GLI3: variants seen among roughly 807,000 people sequenced by gnomAD.
GLI3 encodes GLI family zinc finger 3, also known as transcription activator GLI3.
A neutral mutation model predicts 100.8 loss-of-function variants in GLI3; 20 were observed. The ratio of observed to expected loss-of-function variants is 0.20; its 90% CI spans 0.14 to 0.29. The LOEUF is 0.29. Among genes scored for constraint, GLI3 ranks in the 10% least tolerant of loss-of-function variants. The pLI is 1.00. For synonymous variants in GLI3, 938 were observed against 860.5 expected, an observed-to-expected ratio of 1.09 and a Z score of -1.58; for missense variants, 2,040 against 2,128.5, an observed-to-expected ratio of 0.96 and a Z score of 0.82.
chr7:42,068,300 TG>T (rs1784715640), intron 4 of GLI3, among the ~76,000 whole-genome samples: 1 of 152,266 alleles, frequency 6.6e-6, no homozygotes, highest in Non-Finnish European at 1.5e-5. Context: ...TTTACTGAAC[TG>T]CAACACAATC....
chr7:42,040,011 A>T, intron 7 of GLI3, 27 bp downstream of exon 7: 1 of 1,551,308 alleles, frequency 6.4e-7, no homozygotes, highest in Non-Finnish European at 8.9e-7. Flanking sequence ...TTTAAAAAAC[A>T]CATAATGGAT....
intron 14 of GLI3, 58 bp downstream of exon 14, chr7:41,967,538 A>G: frequency 8.2e-7 from 1 of 1,217,606 alleles, no homozygotes; most frequent in Middle Eastern, 2.7e-4. Flanking sequence ...GAGGGCCTGC[A>G]TTTAAAAGAA....
At chr7:42,052,206 C>G (rs1054929053) in intron 4 of GLI3, among the ~76,000 whole-genome samples, 4 of 152,172 alleles carry the variant, frequency 2.6e-5, no homozygotes, top group Non-Finnish European at 4.4e-5. Context: ...TTTACTCTTT[C>G]ACTTACTGAA....
chr7:42,075,665 T>C (rs973211064), intron 4 of GLI3, among the ~76,000 whole-genome samples: 2 of 152,200 alleles, frequency 1.3e-5, no homozygotes, highest in Admixed American at 1.3e-4. Context: ...TTAATGCTTA[T>C]AGAAGTCTGC....
chr7:42,182,235 A>G (rs1176567759), intron 2 of GLI3, among the ~76,000 whole-genome samples: 1 of 152,194 alleles, frequency 6.6e-6, no homozygotes, highest in Non-Finnish European at 1.5e-5. Context: ...ACTAGGGCTG[A>G]ATATTTAATT....
chr7:42,151,459 G>C (rs1365385493), intron 2 of GLI3: 1 of 152,202 alleles, frequency 6.6e-6, no homozygotes, highest in East Asian at 1.9e-4. Flanking sequence ...GTTCAATAAA[G>C]TTTGAGAGTC....
At chr7:42,103,406 C>T (rs1410282104) in intron 3 of GLI3, among the ~76,000 whole-genome samples, 1 of 152,014 alleles carries the variant, frequency 6.6e-6, no homozygotes, top group Non-Finnish European at 1.5e-5. Flanking sequence ...AATAGCTGAA[C>T]TTTTTATCCA....
intron 1 of GLI3, among the ~76,000 whole-genome samples, chr7:42,224,839 A>G (rs1195423855): frequency 6.6e-6 from 1 of 152,226 alleles, no homozygotes; most frequent in Non-Finnish European, 1.5e-5. Context: ...CCTGTTGCTG[A>G]GCCTCAGTGA....
At chr7:41,991,209 G>A (rs1787978891) in intron 10 of GLI3, among the ~76,000 whole-genome samples, 1 of 152,130 alleles carries the variant, frequency 6.6e-6, no homozygotes, top group Non-Finnish European at 1.5e-5. Context: ...ACATTTGCTT[G>A]GCAATTAAAA....
rs1412180811 is a variant in GLI3 at position 42,027,698 on chromosome 7, A to G, written c.1029-1286T>C. Among the ~76,000 whole-genome samples, 6 of 152,318 alleles carry G rather than the reference A, an allele frequency of 3.9e-5. No homozygotes were observed. In the East Asian group the frequency reaches 9.6e-4, roughly 24 times the overall value. The stretch of plus-strand genomic sequence containing the variant: ...TTCCTGCAGAGAACCTTACATTACA[A>G]TAGCTTGCCCATTTAAGACTGAATA... On this transcript the variant is annotated intron_variant, in intron 7 of 14. Transcript: ENST00000395925.
intron 7 of GLI3, among the ~76,000 whole-genome samples, chr7:42,030,117 T>G (rs1288253286): frequency 6.6e-6 from 1 of 152,188 alleles, no homozygotes; most frequent in Non-Finnish European, 1.5e-5. Context: ...CCAGACGGTC[T>G]AGGCTCCCTG....
intron 4 of GLI3, among the ~76,000 whole-genome samples, chr7:42,057,730 C>T (rs1357169105): frequency 6.6e-6 from 1 of 152,098 alleles, no homozygotes; most frequent in Non-Finnish European, 1.5e-5. Context: ...TTTGAAACTA[C>T]TCGGATGGAG....
Position 42,219,386 on chromosome 7 carries a change from T to C in GLI3, c.124+3744A>G, listed in dbSNP as rs569763175. ...TTACCAAAGGCTTTATATGTTGATA[T>C]AGGTTCCTAAATGTTACAAAAATCA... On this transcript the variant is annotated intron_variant, in intron 2 of 14. Transcript: ENST00000395925. Among the ~76,000 whole-genome samples, 6 of 152,250 alleles carry C rather than the reference T, an allele frequency of 3.9e-5. No individual in the cohort carries two copies. The East Asian group carries it at 7.7e-4, about 20-fold the overall frequency.
At chr7:42,252,140 A>G (rs1183494337) in intron 1 of GLI3, among the ~76,000 whole-genome samples, 1 of 151,588 alleles carries the variant, frequency 6.6e-6, no homozygotes, top group East Asian at 1.9e-4. Context: ...TGGTACATAT[A>G]CACTACTGAA....
intron 10 of GLI3, among the ~76,000 whole-genome samples, chr7:42,009,094 T>C (rs75963414): frequency 0.016 from 2,368 of 152,338 alleles, 25 homozygotes; most frequent in Middle Eastern, 0.024. Flanking sequence ...TGCCAAGCCA[T>C]GCCCTTATCA....
At chr7:42,111,302 C>G (rs767834338) in intron 3 of GLI3, among the ~76,000 whole-genome samples, 9 of 152,098 alleles carry the variant, frequency 5.9e-5, no homozygotes, top group Non-Finnish European at 8.8e-5. Context: ...AAGATCTGCT[C>G]AGGTGAGGCA....
intron 7 of GLI3, 68 bp downstream of exon 7, chr7:42,039,970 A>C (rs1274541385): frequency 1.7e-6 from 2 of 1,174,638 alleles, no homozygotes; most frequent in Non-Finnish European, 2.6e-6. Flanking sequence ...AAAATGCATC[A>C]CTACAGGTGC....
intron 2 of GLI3, among the ~76,000 whole-genome samples, chr7:42,220,074 G>A (rs545565812): frequency 1.3e-5 from 2 of 151,984 alleles, no homozygotes; most frequent in Non-Finnish European, 2.9e-5. Flanking sequence ...GGATGGTCTC[G>A]ATCTCCTGAC....
intron 3 of GLI3, among the ~76,000 whole-genome samples, chr7:42,078,197 A>T (rs1049823526): frequency 6.6e-6 from 1 of 152,184 alleles, no homozygotes; most frequent in East Asian, 1.9e-4. Flanking sequence ...GAAATGGATG[A>T]TTATTAGATG....
Sources: allele counts gnomAD v4.1 joint callset (sites outside exome capture counted in the v4.1 genomes callset), GRCh38; gene constraint gnomAD v4.1.1; transcripts MANE v1.5; gene names NCBI Gene and HGNC (gene_info 2026-07-23, HGNC 2026-07-21).